Variants in ATP8B4 observed in about 807,000 individuals in gnomAD.
ATP8B4 encodes the protein probable phospholipid-transporting ATPase IM.
In ATP8B4, 133 loss-of-function variants were observed where a neutral mutation model predicts 145.6. The observed-to-expected ratio is 0.91, with a 90% CI of 0.79 to 1.05. The LOEUF (loss-of-function observed/expected upper bound fraction) is 1.05. Among genes scored for constraint, ATP8B4 ranks in the 50% least tolerant of loss-of-function variants. The pLI, the probability that ATP8B4 is intolerant of heterozygous loss-of-function variation, is 0.00. For missense variants in ATP8B4, 1,458 were observed against 1,425.2 expected (o/e 1.02, Z -0.37); for synonymous variants, 507 against 492.9 (o/e 1.03, Z -0.38).
chr15:49,920,328 A>G lies in ATP8B4; in HGVS notation c.1841T>C (p.Met614Thr), dbSNP rs1451576200. The G allele has an allele frequency of 6.2e-7, 1 of 1,614,240 alleles. No homozygotes were observed. Among genetic ancestry groups the G allele is most frequent in the South Asian group, 1.1e-5 (1 of 91,088 alleles). ...DDKYFKEWHK[M>T]LEDANAATEE... ...TGTGGCAGCATTCGCATCTTCAAGCATCTTATGCCACTCTTTAAAGTACTT... is the reference window on the plus strand; with the variant it reads ...TGTGGCAGCATTCGCATCTTCAAGCGTCTTATGCCACTCTTTAAAGTACTT... Residue 614 changes from methionine to threonine, a missense_variant, in exon 18 of 28, where the codon ATG becomes ACG. Transcript: ENST00000284509.
intron 17 of ATP8B4, among the ~76,000 whole-genome samples, chr15:49,921,040 T>C (rs927614076): frequency 1.3e-5 from 2 of 152,138 alleles, no homozygotes; most frequent in African/African-American, 4.8e-5. Context: ...AATAGTCAGA[T>C]ATTAGAAGTT....
chr15:50,048,162 G>A (rs1452413974), intron 3 of ATP8B4, among the ~76,000 whole-genome samples: 1 of 152,104 alleles, frequency 6.6e-6, no homozygotes, highest in African/African-American at 2.4e-5. Context: ...TGGGTGGAGA[G>A]CTAGACATTA....
Position 49,897,635 on chromosome 15 carries a change from T to C in ATP8B4, c.2474-120A>G, listed in dbSNP as rs909612745. ...GCCATTGCAATTATAATTTTTCACA[T>C]ATATTATCTGATGAAACACTTATGA... On this transcript the variant is annotated intron_variant, in intron 22 of 27. Transcript: ENST00000284509. 5 of 811,750 alleles carry C rather than the reference T, an allele frequency of 6.2e-6. No homozygotes were observed. The African/African-American group carries it at 7.0e-5, about 11-fold the overall frequency. The allele number at this position is 811,750 out of a possible 1,614,324, so 50.3% of individuals were successfully genotyped here. A position where few individuals can be genotyped will look rare whatever the true frequency, so the allele number is the denominator to read the frequency against.
At chr15:49,919,104 A>G (rs1032485360) in intron 18 of ATP8B4, among the ~76,000 whole-genome samples, 154 bp from the exon 19 acceptor site, 2 of 152,252 alleles carry the variant, frequency 1.3e-5, no homozygotes, top group Admixed American at 1.3e-4. Flanking sequence ...ATTTTGTGTG[A>G]AAGTGGATTG....
intron 21 of ATP8B4, 53 bp from the exon 22 acceptor site, chr15:49,898,304 T>C: frequency 1.3e-6 from 2 of 1,529,406 alleles, no homozygotes; most frequent in East Asian, 2.3e-5. Context: ...TAAATGAGGG[T>C]TGAGAAACAA....
chr15:50,052,725 A>T (rs987630189), intron 3 of ATP8B4, among the ~76,000 whole-genome samples: 1 of 152,208 alleles, frequency 6.6e-6, no homozygotes, highest in Non-Finnish European at 1.5e-5. Context: ...TTAGGTAGGC[A>T]AAAGGTGGCA....
intron 1 of ATP8B4, among the ~76,000 whole-genome samples, chr15:50,153,527 C>T (rs191132338): frequency 2.6e-5 from 4 of 152,106 alleles, no homozygotes; most frequent in African/African-American, 7.2e-5. Context: ...TTAGTAGAGA[C>T]GGGGTTTCAC....
intron 14 of ATP8B4, among the ~76,000 whole-genome samples, chr15:49,956,193 A>G (rs571176380): frequency 1.6e-4 from 25 of 152,278 alleles, no homozygotes; most frequent in African/African-American, 5.5e-4. Flanking sequence ...TTGATGGGAA[A>G]TAAGTTTGAC....
At chr15:49,933,205 A>G (rs995020761) in intron 15 of ATP8B4, among the ~76,000 whole-genome samples, 1 of 151,562 alleles carries the variant, frequency 6.6e-6, no homozygotes, top group Non-Finnish European at 1.5e-5. Context: ...ATAAGATCTG[A>G]AAAAAAAATT....
intron 20 of ATP8B4, among the ~76,000 whole-genome samples, chr15:49,911,364 AGTAGC>A (rs2039210334): frequency 6.6e-6 from 1 of 152,130 alleles, no homozygotes; most frequent in Admixed American, 6.5e-5. Context: ...AGCAAACAGG[AGTAGC>A]TATACTTATA....
intron 1 of ATP8B4, among the ~76,000 whole-genome samples, chr15:50,154,380 A>G (rs1051188915): frequency 1.3e-4 from 20 of 152,152 alleles, no homozygotes; most frequent in African/African-American, 4.6e-4. Context: ...ATTGAAACAA[A>G]TTAGACAAAA....
chr15:50,115,272 G>T (rs1386603171), intron 1 of ATP8B4, among the ~76,000 whole-genome samples: 1 of 152,066 alleles, frequency 6.6e-6, no homozygotes, highest in African/African-American at 2.4e-5. Context: ...GAAGCTCAAG[G>T]CTGCAGTGAG....
chr15:50,162,950 CA>C lies in ATP8B4; in HGVS notation c.-43+19310del, dbSNP rs572154879. ...GTATGTCAATTGCATTTTTCAGATT[CA>C]AAATTTCTGCTTCTTTTTAATCATT... is the stretch of plus-strand genomic sequence containing the variant. On this transcript the variant is annotated intron_variant, in intron 1 of 3. Coordinates refer to the ATP8B4 transcript ENST00000558829. Among the ~76,000 whole-genome samples, 22 of 152,218 alleles carry C rather than the reference CA, an allele frequency of 1.4e-4. No homozygotes were observed. In the East Asian group the frequency reaches 4.2e-3, roughly 29 times the overall value.
chr15:49,867,173 T>C (rs761044139), intron 25 of ATP8B4, among the ~76,000 whole-genome samples: 164 of 152,216 alleles, frequency 1.1e-3, no homozygotes, highest in Non-Finnish European at 1.7e-3. Context: ...AACACTTGAG[T>C]TCTTCAGAGA....
chr15:50,128,400 A>C (rs1423498153), intron 1 of ATP8B4, among the ~76,000 whole-genome samples: 1 of 152,240 alleles, frequency 6.6e-6, no homozygotes, highest in Non-Finnish European at 1.5e-5. Flanking sequence ...CTGGAGGAGA[A>C]AGGTGGCTGC....
intron 14 of ATP8B4, among the ~76,000 whole-genome samples, chr15:49,940,684 G>C (rs1455755166): frequency 6.6e-6 from 1 of 152,138 alleles, no homozygotes; most frequent in Non-Finnish European, 1.5e-5. Context: ...AATGAATCTG[G>C]AAAGAGAATA....
Position 49,918,871 on chromosome 15 carries a change from A to G in ATP8B4, c.2003T>C (p.Ile668Thr). ...ETVTSLSLAN[I>T]KIWVLTGDKQ... Reference sequence around the variant, plus strand: ...GTCTCCTGTTAGGACCCAGATCTTAATATTGGCTAGTGATAAACTTGTAAC... The same window carrying G: ...GTCTCCTGTTAGGACCCAGATCTTAGTATTGGCTAGTGATAAACTTGTAAC... Residue 668 changes from isoleucine (I) to threonine (T), a missense_variant, in exon 19 of 28, where the codon ATT becomes ACT. Ile to Thr is a moderately conservative substitution (Grantham distance 89, BLOSUM62 -1). Coordinates refer to ENST00000284509, the MANE Select transcript of ATP8B4 (RefSeq NM_024837.4). 6.2e-7 allele frequency: 1 copy of G among 1,613,264 alleles called. No individual in the cohort carries two copies. The highest frequency in any genetic ancestry group is 8.5e-7 in the Non-Finnish European group (1 of 1,179,314).
intron 1 of ATP8B4, among the ~76,000 whole-genome samples, chr15:50,133,096 A>C (rs1182604133): frequency 2.0e-5 from 3 of 152,304 alleles, no homozygotes; most frequent in Admixed American, 6.5e-5. Flanking sequence ...GTATTCCAGA[A>C]CTTAAAGTAT....
chr15:50,019,206 C>A lies in ATP8B4; in HGVS notation c.363-8289G>T, dbSNP rs534506761. Among the ~76,000 whole-genome samples the A allele has an allele frequency of 2.4e-3, 359 of 152,188 alleles. 3 individuals are homozygous for A. Among genetic ancestry groups the A allele is most frequent in the African/African-American group, 8.3e-3 (343 of 41,508 alleles). On this transcript the variant is annotated intron_variant, in intron 6 of 27. Transcript: ENST00000284509. Reference sequence around the variant, plus strand: ...CCTTTAAAGAAGAGAATATTGGCCCCCTTGTTTATGAAGGAAATGATGTAG... The same window carrying A: ...CCTTTAAAGAAGAGAATATTGGCCCACTTGTTTATGAAGGAAATGATGTAG...
Sources: gnomAD v4.1 joint callset for allele counts (sites outside exome capture counted in the v4.1 genomes callset) on GRCh38, gnomAD v4.1.1 for gene constraint, MANE v1.5 for transcripts, NCBI Gene and HGNC (gene_info 2026-07-23, HGNC 2026-07-21) for gene names.